The following NMT1 variants were observed in gnomAD, a reference collection of about 807,000 sequenced individuals.
NMT1 encodes the protein glycylpeptide N-tetradecanoyltransferase 1.
NMT1 carries 12 observed loss-of-function variants against 63.4 expected under a neutral mutation model. That is an observed-to-expected ratio of 0.19 (90% CI 0.12 to 0.31). NMT1 has a LOEUF of 0.31. Ranked by LOEUF, NMT1 falls within the 10% of genes least tolerant of loss-of-function variation. The pLI is 1.00. For synonymous variants in NMT1, 228 were observed against 234.3 expected, an observed-to-expected ratio of 0.97 and a Z score of 0.25; for missense variants, 432 against 634.6, an observed-to-expected ratio of 0.68 and a Z score of 3.43.
At chr17:45,100,495 G>A (rs1381294202) in intron 8 of NMT1, among the ~76,000 whole-genome samples, 2 of 151,632 alleles carry the variant, frequency 1.3e-5, no homozygotes, top group Admixed American at 6.6e-5. Flanking sequence ...ATGGACCCGG[G>A]AGGTGGAGCT....
At chr17:45,065,304 T>A (rs2053894772) in intron 1 of NMT1, among the ~76,000 whole-genome samples, 1 of 152,046 alleles carries the variant, frequency 6.6e-6, no homozygotes, top group African/African-American at 2.4e-5. Context: ...TAATTCTCAT[T>A]GTAAGCCTCA....
In NMT1 at chr17:45,107,767, C is replaced by T. The variant is rs955670344; in HGVS notation, c.*2128C>T. ...CGGATCTCTGGAGTGAGCTCTGTTT[C>T]GGTTGACCCAGGTCATGGAATGGAA... is the stretch of plus-strand genomic sequence containing the variant. On this transcript the variant is annotated 3_prime_UTR_variant, in exon 12 of 12. Transcript: ENST00000258960. 5.2e-5 allele frequency: 8 copies of T among 152,424 alleles called. No individual in the cohort carries two copies. The highest frequency in any genetic ancestry group is 2.9e-5 in the Non-Finnish European group (2 of 68,102). The allele number at this position is 152,424 out of a possible 1,614,324, so 9.4% of individuals were successfully genotyped here. A position where few individuals can be genotyped will look rare whatever the true frequency, so the allele number is the denominator to read the frequency against.
intron 2 of NMT1, among the ~76,000 whole-genome samples, chr17:45,084,395 C>G (rs1013634258): frequency 7.0e-6 from 1 of 143,426 alleles, no homozygotes; most frequent in Non-Finnish European, 1.5e-5. Flanking sequence ...AGTGCAGTGG[C>G]GCAGTCTTGG....
chr17:45,080,892 G>T (rs897622947), intron 1 of NMT1, among the ~76,000 whole-genome samples: 1 of 152,132 alleles, frequency 6.6e-6, no homozygotes, highest in African/African-American at 2.4e-5. Context: ...TCGTCCTCCT[G>T]AGTAGCTGGG....
At chr17:45,061,499 C>T in intron 1 of NMT1, 39 bp downstream of exon 1, 1 of 1,594,250 alleles carries the variant, frequency 6.3e-7, no homozygotes, top group Admixed American at 1.7e-5. Context: ...GTCCAGCCTC[C>T]CACAACCTGG....
intron 2 of NMT1, among the ~76,000 whole-genome samples, chr17:45,083,182 G>T (rs1325954844): frequency 6.6e-6 from 1 of 151,734 alleles, no homozygotes; most frequent in East Asian, 1.9e-4. Context: ...AGCCAGGCGT[G>T]GTGGCACGCA....
intron 5 of NMT1, among the ~76,000 whole-genome samples, chr17:45,096,512 C>T (rs1418514845): frequency 6.6e-6 from 1 of 152,162 alleles, no homozygotes; most frequent in Non-Finnish European, 1.5e-5. Context: ...AGAGCTAGTA[C>T]CCAGGGAAGA....
At chr17:45,061,671 T>G in intron 1 of NMT1, 1 of 515,630 alleles carries the variant, frequency 1.9e-6, no homozygotes, top group African/African-American at 1.9e-5. Flanking sequence ...TTCAGTACTT[T>G]TATTATATAA....
At chr17:45,065,721 C>T (rs976291044) in intron 1 of NMT1, among the ~76,000 whole-genome samples, 3 of 150,614 alleles carry the variant, frequency 2.0e-5, no homozygotes. Flanking sequence ...CTGTGTTTTG[C>T]TTCTTGAAAT....
chr17:45,104,584 G>A lies in NMT1; in HGVS notation c.1333-275G>A. Reference sequence around the variant, plus strand: ...TGGAAATTACTAGAGTTTCAGGGAGGCATAACCAGGAATAGCAAGAGCCCC... The same window carrying A: ...TGGAAATTACTAGAGTTTCAGGGAGACATAACCAGGAATAGCAAGAGCCCC... On this transcript the variant is annotated intron_variant, in intron 10 of 11. Coordinates refer to ENST00000258960, the MANE Select transcript of NMT1 (RefSeq NM_021079.5). The surrounding 1 kb of genome is among the most constrained non-coding windows in gnomAD (Gnocchi z 4.2). 8.1e-7 allele frequency: 1 copy of A among 1,228,734 alleles called. No individual in the cohort carries two copies. Among genetic ancestry groups the A allele is most frequent in the Non-Finnish European group, 1.0e-6 (1 of 978,194 alleles). The allele number at this position is 1,228,734 out of a possible 1,614,324, so 76.1% of individuals were successfully genotyped here.
intron 1 of NMT1, among the ~76,000 whole-genome samples, chr17:45,079,108 T>C (rs1015129134): frequency 1.3e-5 from 2 of 148,838 alleles, no homozygotes; most frequent in African/African-American, 4.9e-5. Context: ...CTTTTTCTTT[T>C]TTTTTTTTTC....
intron 1 of NMT1, among the ~76,000 whole-genome samples, chr17:45,075,485 TAA>T (rs1292332355): frequency 2.4e-5 from 3 of 124,448 alleles, no homozygotes; most frequent in African/African-American, 6.1e-5. Context: ...ACTCTTGTCT[TAA>T]AAAAAAAAAA....
chr17:45,104,806 A>G lies in NMT1; in HGVS notation c.1333-53A>G. The G allele has an allele frequency of 4.4e-6, 7 of 1,605,782 alleles. No individual in the cohort carries two copies. Among genetic ancestry groups the G allele is most frequent in the Non-Finnish European group, 6.0e-6 (7 of 1,173,520 alleles). On this transcript the variant is annotated intron_variant, in intron 10 of 11. Transcript: ENST00000258960. This position sits in a 1 kb window ranked among gnomAD's most constrained non-coding sequence, Gnocchi z 4.2. ...AAATGGCAGCAAAGGGGTAGGAAGG[A>G]GGCTGTCCCCACCTGTCCTCACCTG...
rs2054184687 is a variant in NMT1, at chr17:45,103,866, T to C, written c.1322T>C (p.Leu441Pro). 6.2e-7 allele frequency: 1 copy of C among 1,613,878 alleles called. No homozygotes were observed. Among genetic ancestry groups the C allele is most frequent in the African/African-American group, 1.3e-5 (1 of 74,900 alleles). The change falls in exon 10 of 12, where the codon CTC becomes CCC. Residue 441 changes from leucine to proline, a missense_variant. By Grantham distance (98) the Leu-to-Pro change is moderately conservative (BLOSUM62 -3). Around this residue, in one of 4 missense-constraint regions of NMT1, gnomAD observed 295 missense variants for 489.7 expected, o/e 0.60. Transcript: ENST00000258960. The surrounding 1 kb of genome is among the most constrained non-coding windows in gnomAD (Gnocchi z 4.8). Reference protein sequence around the residue: ...LLDLMSDALVLAKMKGFDVFN... With the variant: ...LLDLMSDALVPAKMKGFDVFN... ...GACCTCATGAGCGACGCCCTTGTCC[T>C]CGCCAAAATGGTGAGGAGCAGACGG...
chr17:45,081,805 G>A (rs561642277), intron 2 of NMT1, 53 bp downstream of exon 2: 1 of 1,344,128 alleles, frequency 7.4e-7, no homozygotes, highest in African/African-American at 1.5e-5. Flanking sequence ...ACATGAGAGA[G>A]TTTTGAGGTG....
At chr17:45,096,329 A>G in intron 5 of NMT1, 44 bp downstream of exon 5, 1 of 1,495,692 alleles carries the variant, frequency 6.7e-7, no homozygotes, top group Non-Finnish European at 9.3e-7. Context: ...AGGAAGGCAT[A>G]GAGCAGATCC....
At chr17:45,084,255 T>C (rs1242124927) in intron 2 of NMT1, among the ~76,000 whole-genome samples, 1 of 151,906 alleles carries the variant, frequency 6.6e-6, no homozygotes, top group Non-Finnish European at 1.5e-5. Flanking sequence ...AATAATAAGA[T>C]GGTTAAAGTC....
chr17:45,106,301 C>G lies in NMT1; in HGVS notation c.*662C>G, dbSNP rs2054202162. The stretch of plus-strand genomic sequence containing the variant: ...GGGGCTGACCCTGGGCAGGGACTTT[C>G]CTGCAGGGCCAGACCTGCCTGCATT... On this transcript the variant is annotated 3_prime_UTR_variant, in exon 12 of 12. Coordinates refer to ENST00000258960, the MANE Select transcript of NMT1 (RefSeq NM_021079.5). 1.3e-5 allele frequency: 2 copies of G among 152,784 alleles called. No individual in the cohort carries two copies. Among genetic ancestry groups the G allele is most frequent in the South Asian group, 2.1e-4 (1 of 4,832 alleles). The allele number at this position is 152,784 out of a possible 1,614,324, so 9.5% of individuals were successfully genotyped here.
In NMT1 at chr17:45,107,950, T is replaced by G. The variant is rs1598023193; in HGVS notation, c.*2311T>G. 1 of 152,466 alleles carries G rather than the reference T, an allele frequency of 6.6e-6. No individual in the cohort carries two copies. The highest frequency in any genetic ancestry group is 2.4e-5 in the African/African-American group (1 of 41,598). 9.4% of individuals were successfully genotyped at this position (152,466 alleles called of 1,614,324 possible). On this transcript the variant is annotated 3_prime_UTR_variant, in exon 12 of 12. Transcript: ENST00000258960. ...TGCAGGGTTTGGCTTGTGGGCTGCTTGCTGCTCATCTGATTTTTGTCCCAG... is the reference window on the plus strand; with the variant it reads ...TGCAGGGTTTGGCTTGTGGGCTGCTGGCTGCTCATCTGATTTTTGTCCCAG...
Sources: allele counts gnomAD v4.1 joint callset (sites outside exome capture counted in the v4.1 genomes callset), GRCh38; gene constraint gnomAD v4.1.1; regional missense constraint gnomAD v4.1.1; non-coding constraint Gnocchi (gnomAD v3.1); transcripts MANE v1.5; gene names NCBI Gene and HGNC (gene_info 2026-07-23, HGNC 2026-07-21).